The following IQCH variants were observed in gnomAD, a reference collection of about 807,000 sequenced individuals.
IQCH encodes the protein IQ motif containing H.
A neutral mutation model predicts 117.0 loss-of-function variants in IQCH; 98 were observed. The ratio of observed to expected loss-of-function variants is 0.84; its 90% CI spans 0.71 to 0.99. The LOEUF (loss-of-function observed/expected upper bound fraction) is 0.99, where lower values mean the gene tolerates loss of function less well. Among genes scored for constraint, IQCH ranks in the 50% least tolerant of loss-of-function variants. The pLI is 0.00. For synonymous variants in IQCH, 412 were observed against 448.2 expected (o/e 0.92, Z 1.02); for missense variants, 1,102 against 1,243.8 (o/e 0.89, Z 1.72).
chr15:67,276,970 A>G (rs543456905), intron 3 of IQCH, among the ~76,000 whole-genome samples: 91 of 152,284 alleles, frequency 6.0e-4, no homozygotes, highest in Admixed American at 3.6e-3. Flanking sequence ...ACTGTTTATA[A>G]CTGAATATTC....
chr15:67,414,662 A>AT (rs1386303603), intron 14 of IQCH, among the ~76,000 whole-genome samples: 30 of 146,504 alleles, frequency 2.0e-4, no homozygotes, highest in East Asian at 4.0e-4. Flanking sequence ...ACCAAAAAAA[A>AT]AATATATATA....
At chr15:67,452,122 G>A (rs2082542435) in intron 16 of IQCH, among the ~76,000 whole-genome samples, 1 of 152,122 alleles carries the variant, frequency 6.6e-6, no homozygotes, top group African/African-American at 2.4e-5. Context: ...GTGTGTGCCT[G>A]CACGTGAGAT....
In IQCH at chr15:67,355,182, T is replaced by C. The variant is rs141739258; in HGVS notation, c.638-2163T>C. Among the ~76,000 whole-genome samples the C allele has an allele frequency of 5.9e-3, 899 of 152,316 alleles. 11 individuals are homozygous for C. The highest frequency in any genetic ancestry group is 0.021 in the African/African-American group (865 of 41,566). On this transcript the variant is annotated intron_variant, in intron 6 of 20. Transcript: ENST00000335894. ...ATATTTGAGACATACTAAAAACTTATTTATTGTTTATCTTAAGTTAAAATT... is the reference window on the plus strand; with the variant it reads ...ATATTTGAGACATACTAAAAACTTACTTATTGTTTATCTTAAGTTAAAATT...
intron 16 of IQCH, among the ~76,000 whole-genome samples, chr15:67,446,022 G>A (rs903930301): frequency 1.3e-5 from 2 of 152,144 alleles, no homozygotes; most frequent in South Asian, 2.1e-4. Flanking sequence ...ACTAAGTTCC[G>A]AAGTCAAATA....
At chr15:67,294,446 A>G (rs1333972014) in intron 4 of IQCH, among the ~76,000 whole-genome samples, 1 of 152,150 alleles carries the variant, frequency 6.6e-6, no homozygotes, top group Non-Finnish European at 1.5e-5. Context: ...CACGTGTCCC[A>G]GTTCTGTCCA....
At chr15:67,349,447 C>T (rs1260044600) in intron 6 of IQCH, among the ~76,000 whole-genome samples, 5 of 151,848 alleles carry the variant, frequency 3.3e-5, no homozygotes, top group Admixed American at 1.3e-4. Flanking sequence ...GGTGAAACCC[C>T]GTCTCTACTA....
At chr15:67,256,060 C>T (rs1012489822) in intron 1 of IQCH, among the ~76,000 whole-genome samples, 3 of 152,110 alleles carry the variant, frequency 2.0e-5, no homozygotes, top group Non-Finnish European at 2.9e-5. Context: ...ACTTAGGGGC[C>T]CCATCACCAC....
chr15:67,422,016 T>A lies in IQCH; in HGVS notation c.2505+439T>A, dbSNP rs938242086. Among the ~76,000 whole-genome samples, 11 of 152,090 alleles carry A rather than the reference T, an allele frequency of 7.2e-5. No homozygotes were observed. Among genetic ancestry groups the A allele is most frequent in the Admixed American group, 7.2e-4 (11 of 15,280 alleles). On this transcript the variant is annotated intron_variant, in intron 16 of 20. Transcript: ENST00000335894. This position sits in a 1 kb window ranked among gnomAD's most constrained non-coding sequence, Gnocchi z 4.7. The stretch of plus-strand genomic sequence containing the variant: ...TGGGAGGCTGAGGCAGGAGAATCAC[T>A]TGAACCCGGGAGGCAGAGGTTGCAA...
rs747003634 is a variant in IQCH, at chr15:67,416,985, G to A, written c.2152G>A (p.Ala718Thr). 22 of 1,611,056 alleles carry A rather than the reference G, an allele frequency of 1.4e-5. No individual in the cohort carries two copies. The highest frequency in any genetic ancestry group is 6.7e-5 in the African/African-American group (5 of 74,902). ...EELAGILAQHAQPVNEKRFPT... is the reference protein window; with the variant it reads ...EELAGILAQHTQPVNEKRFPT... The stretch of plus-strand genomic sequence containing the variant: ...GCTGGCGGGCATTTTAGCACAGCAC[G>A]CACAGCCAGTCAATGAGAAACGGTT... The change falls in exon 15 of 21, where the codon GCA becomes ACA. Residue 718 changes from alanine to threonine, a missense_variant. By Grantham distance (58) the Ala-to-Thr change is moderately conservative (BLOSUM62 0). Transcript: ENST00000335894. The surrounding 1 kb of genome is among the most constrained non-coding windows in gnomAD (Gnocchi z 5.1).
In IQCH at chr15:67,370,912, A is replaced by G. The variant is rs72745473; in HGVS notation, c.754-1199A>G. Among the ~76,000 whole-genome samples the G allele has an allele frequency of 0.3, 44,935 of 150,626 alleles. 8,574 individuals carry two copies. Among genetic ancestry groups the G allele is most frequent in the Non-Finnish European group, 0.44 (29,889 of 67,654 alleles). ...AAAGAAAACGCGTGAATAATCTGAT[A>G]TAGTAATACTCAACACAGTGCTGTG... On this transcript the variant is annotated intron_variant, in intron 8 of 20. Coordinates refer to ENST00000335894, the MANE Select transcript of IQCH (RefSeq NM_001031715.3). This position sits in a 1 kb window ranked among gnomAD's most constrained non-coding sequence, Gnocchi z 5.6.
rs1194022349 is a variant in IQCH at position 67,366,442 on chromosome 15, C to T, written c.754-5669C>T. Among the ~76,000 whole-genome samples, 1 of 152,156 alleles carries T rather than the reference C, an allele frequency of 6.6e-6. No individual in the cohort carries two copies. Among genetic ancestry groups the T allele is most frequent in the Non-Finnish European group, 1.5e-5 (1 of 68,030 alleles). On this transcript the variant is annotated intron_variant, in intron 8 of 20. Coordinates refer to ENST00000335894, the MANE Select transcript of IQCH (RefSeq NM_001031715.3). This position sits in a 1 kb window ranked among gnomAD's most constrained non-coding sequence, Gnocchi z 4.4. ...GATCTTCAACCAGATTTTGATCCATCGTGTGTTTTTGTTCCATGAGAATGC... is the reference window on the plus strand; with the variant it reads ...GATCTTCAACCAGATTTTGATCCATTGTGTGTTTTTGTTCCATGAGAATGC...
Position 67,432,935 on chromosome 15 carries a change from C to T in IQCH, c.2505+11358C>T, listed in dbSNP as rs942273052. ...CCCCTATCTCTGTTTTCAAGATATA[C>T]AAGGTATTCACCAAGGAAGCTCAAT... On this transcript the variant is annotated intron_variant, in intron 16 of 20. Coordinates refer to ENST00000335894, the MANE Select transcript of IQCH (RefSeq NM_001031715.3). The surrounding 1 kb of genome is among the most constrained non-coding windows in gnomAD (Gnocchi z 5.0). 6.6e-6 allele frequency among the ~76,000 whole-genome samples: 1 copy of T among 152,162 alleles called. No individual in the cohort carries two copies. Among genetic ancestry groups the T allele is most frequent in the Non-Finnish European group, 1.5e-5 (1 of 68,024 alleles).
chr15:67,434,088 G>C (rs1314020714), intron 16 of IQCH, among the ~76,000 whole-genome samples: 1 of 151,860 alleles, frequency 6.6e-6, no homozygotes, highest in Non-Finnish European at 1.5e-5. Context: ...GTGTGTGTGT[G>C]GTCAGAAGTT....
At chr15:67,327,427 A>C (rs529473793) in intron 4 of IQCH, among the ~76,000 whole-genome samples, 1 of 152,256 alleles carries the variant, frequency 6.6e-6, no homozygotes, top group Non-Finnish European at 1.5e-5. Context: ...AATCACATCA[A>C]ATCTTAAAAA....
At chr15:67,470,380 A>C (rs139332667) in intron 17 of IQCH, among the ~76,000 whole-genome samples, 1,843 of 152,212 alleles carry the variant, frequency 0.012, 37 homozygotes, top group African/African-American at 0.042. Flanking sequence ...GGGTTTCACC[A>C]TGTTGACCAG....
chr15:67,359,994 C>T lies in IQCH; in HGVS notation c.753+109C>T, dbSNP rs184827031. 1.1e-5 allele frequency: 8 copies of T among 706,806 alleles called. No homozygotes were observed. Among genetic ancestry groups the T allele is most frequent in the Non-Finnish European group, 2.4e-6 (1 of 418,246 alleles). The allele number at this position is 706,806 out of a possible 1,614,324, so 43.8% of individuals were successfully genotyped here. Reference sequence around the variant, plus strand: ...ACTGCTTGACAGCTGGAGATGGCAACAAAAGTTCGTGCTTCCTTTGTAAAA... The same window carrying T: ...ACTGCTTGACAGCTGGAGATGGCAATAAAAGTTCGTGCTTCCTTTGTAAAA... On this transcript the variant is annotated intron_variant, in intron 8 of 20. Coordinates refer to ENST00000335894, the MANE Select transcript of IQCH (RefSeq NM_001031715.3). The surrounding 1 kb of genome is among the most constrained non-coding windows in gnomAD (Gnocchi z 4.5).
rs76515136 is a variant in IQCH at position 67,276,790 on chromosome 15, G to C, written c.270-2605G>C. ...TCATAGTTTAAATATGATATGTATA[G>C]GTGTAGGGTTTTGTTTTGTTTTTTG... is the stretch of plus-strand genomic sequence containing the variant. On this transcript the variant is annotated intron_variant, in intron 3 of 20. Coordinates refer to ENST00000335894, the MANE Select transcript of IQCH (RefSeq NM_001031715.3). Among the ~76,000 whole-genome samples the C allele has an allele frequency of 4.2e-3, 643 of 152,164 alleles. 9 individuals are homozygous for C. Among genetic ancestry groups the C allele is most frequent in the African/African-American group, 0.015 (607 of 41,514 alleles).
At chr15:67,295,397 G>A (rs758532842) in intron 4 of IQCH, among the ~76,000 whole-genome samples, 1 of 152,146 alleles carries the variant, frequency 6.6e-6, no homozygotes, top group Non-Finnish European at 1.5e-5. Flanking sequence ...AGTATTATGA[G>A]TAGCTTTCAG....
chr15:67,388,554 AAAGTACATTTCC>A lies in IQCH; in HGVS notation c.1457-273_1457-262del, dbSNP rs1448998364. ...TGGCTAAATCCCTATGTATTATTTG[AAAGTACATTTCC>A]AAGGTATCTCACAGCCCTCCTTCTG... On this transcript the variant is annotated intron_variant, in intron 11 of 20. Transcript: ENST00000335894. The surrounding 1 kb of genome is among the most constrained non-coding windows in gnomAD (Gnocchi z 5.5). Among the ~76,000 whole-genome samples, 2 of 152,180 alleles carry A rather than the reference AAAGTACATTTCC, an allele frequency of 1.3e-5. No individual in the cohort carries two copies. The highest frequency in any genetic ancestry group is 4.8e-5 in the African/African-American group (2 of 41,456).
Sources: gnomAD v4.1 joint callset for allele counts (sites outside exome capture counted in the v4.1 genomes callset) on GRCh38, gnomAD v4.1.1 for gene constraint, Gnocchi (gnomAD v3.1) non-coding constraint, MANE v1.5 for transcripts, NCBI Gene and HGNC (gene_info 2026-07-23, HGNC 2026-07-21) for gene names.